PTPRD: variants seen among roughly 807,000 people sequenced by gnomAD.
The protein encoded by PTPRD is protein tyrosine phosphatase receptor type D.
Under a neutral mutation model 214.5 loss-of-function variants are expected in PTPRD, and 34 were observed. The observed-to-expected ratio is 0.16, with a 90% CI of 0.12 to 0.21. The LOEUF is 0.21. Ranked by LOEUF, PTPRD falls within the 10% of genes least tolerant of loss-of-function variation. PTPRD has a pLI of 1.00. For synonymous variants in PTPRD, 1,128 were observed against 845.7 expected, an observed-to-expected ratio of 1.33 and a Z score of -5.79; for missense variants, 2,545 against 2,398.7, an observed-to-expected ratio of 1.06 and a Z score of -1.27.
In PTPRD at chr9:8,633,433, C is replaced by G. The variant is rs2154320831; in HGVS notation, c.236G>C (p.Gly79Ala). The G allele has an allele frequency of 1.2e-6, 2 of 1,612,456 alleles. No homozygotes were observed. The highest frequency in any genetic ancestry group is 2.2e-5 in the East Asian group (1 of 44,826). ...TAAGGGTTGTATTCTGAGAACTGAT[C>G]CAGACCCATCGTCAAACTCTATTAC... ...FEVIEFDDGS[G>A]SVLRIQPLRT... is the part of the protein sequence containing the mutation. Residue 79 changes from glycine (G) to alanine (A), a missense_variant, in exon 14 of 46, where the codon GGA becomes GCA. Transcript: ENST00000381196.
At chr9:10,499,094 A>G (rs2042912632) in intron 2 of PTPRD, among the ~76,000 whole-genome samples, 1 of 151,968 alleles carries the variant, frequency 6.6e-6, no homozygotes, top group Admixed American at 6.6e-5. Flanking sequence ...AGTTGGGGCA[A>G]CTTTATATCT....
At chr9:9,388,926 G>A (rs1468456743) in intron 9 of PTPRD, among the ~76,000 whole-genome samples, 1 of 152,106 alleles carries the variant, frequency 6.6e-6, no homozygotes, top group Non-Finnish European at 1.5e-5. Context: ...TTTTAATCAG[G>A]ATCATTAGGG....
intron 10 of PTPRD, among the ~76,000 whole-genome samples, chr9:9,161,014 T>A (rs2099887390): frequency 6.6e-6 from 1 of 151,966 alleles, no homozygotes; most frequent in African/African-American, 2.4e-5. Context: ...AGTAAAACAA[T>A]GATTACCAGA....
At chr9:10,348,036 A>G (rs563253946) in intron 2 of PTPRD, among the ~76,000 whole-genome samples, 6 of 152,168 alleles carry the variant, frequency 3.9e-5, no homozygotes, top group African/African-American at 7.2e-5. Flanking sequence ...CCAGCCTGGG[A>G]AGCAGAGCAA....
intron 3 of PTPRD, among the ~76,000 whole-genome samples, chr9:10,045,920 T>C (rs995482655): frequency 6.6e-6 from 1 of 151,792 alleles, no homozygotes; most frequent in African/African-American, 2.4e-5. Context: ...CAATTTTCTA[T>C]AATATTGGGG....
intron 3 of PTPRD, among the ~76,000 whole-genome samples, chr9:10,286,256 C>T (rs1308067478): frequency 2.0e-5 from 3 of 152,032 alleles, no homozygotes; most frequent in South Asian, 2.1e-4. Context: ...GCCTGTGCAA[C>T]ATAGCAAAAC....
chr9:8,738,027 A>G (rs888999438), intron 11 of PTPRD, among the ~76,000 whole-genome samples: 20 of 152,322 alleles, frequency 1.3e-4, no homozygotes, highest in African/African-American at 4.3e-4. Flanking sequence ...CAAAAAATTT[A>G]TAACTCCCCG....
intron 11 of PTPRD, among the ~76,000 whole-genome samples, chr9:8,781,607 G>C (rs2095700863): frequency 6.6e-6 from 1 of 152,136 alleles, no homozygotes; most frequent in Non-Finnish European, 1.5e-5. Context: ...AGCTTTTAAA[G>C]GTCACATGGA....
chr9:9,565,224 A>G (rs1192100300), intron 8 of PTPRD, among the ~76,000 whole-genome samples: 1 of 151,744 alleles, frequency 6.6e-6, no homozygotes, highest in Non-Finnish European at 1.5e-5. Flanking sequence ...TTGCAACTCT[A>G]AACAAACCTT....
chr9:9,720,724 A>G (rs568932498), intron 7 of PTPRD, among the ~76,000 whole-genome samples: 23 of 152,196 alleles, frequency 1.5e-4, no homozygotes, highest in Non-Finnish European at 1.3e-4. Flanking sequence ...TCACAATAGC[A>G]AAGATATGGA....
intron 5 of PTPRD, among the ~76,000 whole-genome samples, chr9:9,875,292 T>C (rs1037238469): frequency 6.6e-6 from 1 of 152,142 alleles, no homozygotes; most frequent in Non-Finnish European, 1.5e-5. Context: ...AGTTAGGTAC[T>C]GATATTGCTA....
intron 8 of PTPRD, among the ~76,000 whole-genome samples, chr9:9,422,765 G>A (rs1391414304): frequency 6.6e-6 from 1 of 152,164 alleles, no homozygotes; most frequent in Non-Finnish European, 1.5e-5. Flanking sequence ...AGAGAAGAGA[G>A]GAACCCAGGA....
chr9:9,446,807 C>A (rs2090562981), intron 8 of PTPRD, among the ~76,000 whole-genome samples: 1 of 152,034 alleles, frequency 6.6e-6, no homozygotes, highest in Non-Finnish European at 1.5e-5. Flanking sequence ...GGAACTTAAA[C>A]ACATTTACAA....
At chr9:8,917,605 C>G (rs1386558870) in intron 11 of PTPRD, among the ~76,000 whole-genome samples, 1 of 152,074 alleles carries the variant, frequency 6.6e-6, no homozygotes, top group Non-Finnish European at 1.5e-5. Flanking sequence ...TTAATCACCC[C>G]TATTTTCTCA....
chr9:8,983,500 T>A, intron 11 of PTPRD, among the ~76,000 whole-genome samples: 1 of 152,004 alleles, frequency 6.6e-6, no homozygotes, highest in East Asian at 1.9e-4. Context: ...ATTTATTTTA[T>A]ACATTTTCTT....
chr9:8,745,912 C>T (rs980996916), intron 11 of PTPRD, among the ~76,000 whole-genome samples: 3 of 152,110 alleles, frequency 2.0e-5, no homozygotes, highest in African/African-American at 7.2e-5. Context: ...ATCCTCCCGC[C>T]TCTACCCCCA....
chr9:9,764,256 T>A (rs1031532987), intron 6 of PTPRD, among the ~76,000 whole-genome samples: 4 of 152,190 alleles, frequency 2.6e-5, no homozygotes, highest in Admixed American at 6.5e-5. Context: ...TTTTCTAATC[T>A]ATCTACATTT....
chr9:9,965,530 C>A (rs2094626767), intron 4 of PTPRD, among the ~76,000 whole-genome samples: 1 of 152,124 alleles, frequency 6.6e-6, no homozygotes, highest in Non-Finnish European at 1.5e-5. Context: ...GACCTCATGC[C>A]ATGCTAAGGA....
At position 8,484,223 on chromosome 9, in the gene PTPRD, A is replaced by G. The variant is rs1347702242; in HGVS notation, c.3309T>C (p.Thr1103=). 3.1e-6 allele frequency: 5 copies of G among 1,614,046 alleles called. No homozygotes were observed. The highest frequency in any genetic ancestry group is 3.3e-5 in the Admixed American group (2 of 59,988). ...GGLQHRVTAK[T]APDVLRTKPA... ...GCTTGGTACGTAATACATCTGGTGC[A>G]GTCTTTGCCGTGACCCTGTGCTGCA... Residue 1103 remains threonine, a synonymous_variant, in exon 30 of 46, where the codon ACT becomes ACC. Transcript: ENST00000381196.
Sources: gnomAD v4.1 joint callset for allele counts (sites outside exome capture counted in the v4.1 genomes callset) on GRCh38, gnomAD v4.1.1 for gene constraint, MANE v1.5 for transcripts, NCBI Gene and HGNC (gene_info 2026-07-23, HGNC 2026-07-21) for gene names.